Variants in GAK observed in about 807,000 individuals in gnomAD.
GAK encodes the protein cyclin G associated kinase, also known as cyclin-G-associated kinase.
Under a neutral mutation model 143.9 loss-of-function variants are expected in GAK, and 79 were observed. The ratio of observed to expected loss-of-function variants is 0.55; its 90% CI spans 0.46 to 0.66. The LOEUF (loss-of-function observed/expected upper bound fraction) is 0.66, where lower values mean the gene tolerates loss of function less well. GAK is among the 30% of genes least tolerant of loss of function. The pLI is 0.00. For missense variants in GAK, 1,693 were observed against 1,779.7 expected, an observed-to-expected ratio of 0.95 and a Z score of 0.88; for synonymous variants, 881 against 765.5, an observed-to-expected ratio of 1.15 and a Z score of -2.49.
chr4:888,705 G>A, intron 11 of GAK, 142 bp downstream of exon 11: 1 of 954,660 alleles, frequency 1.0e-6, no homozygotes, highest in Non-Finnish European at 1.5e-6. Flanking sequence ...CCTGGGAGAA[G>A]CGGGTGATGC....
chr4:857,041 A>G (rs1298073313), intron 24 of GAK, among the ~76,000 whole-genome samples: 3 of 152,244 alleles, frequency 2.0e-5, no homozygotes, highest in Non-Finnish European at 4.4e-5. Context: ...ATGATATCAG[A>G]TTAGTGCAAA....
rs773267588 is a variant in GAK at position 896,454 on chromosome 4, C to A, written c.741+6G>T. On this transcript the variant is annotated splice_donor_region_variant and intron_variant, in intron 7 of 27. Coordinates refer to ENST00000314167, the MANE Select transcript of GAK (RefSeq NM_005255.4). ...GGCACTGCCACTGAGAGGCGCCAGA[C>A]CTCACCCAGATATCCTGCTTCTCGC... 6.8e-6 allele frequency: 11 copies of A among 1,613,060 alleles called. No homozygotes were observed. The Admixed American group carries it at 1.8e-4, about 27-fold the overall frequency.
intron 15 of GAK, among the ~76,000 whole-genome samples, chr4:881,334 C>T (rs966637827): frequency 6.6e-6 from 1 of 152,166 alleles, no homozygotes; most frequent in Non-Finnish European, 1.5e-5. Context: ...GAGACCAAGG[C>T]CAGGGGAGGC....
At chr4:916,068 A>T (rs77057847) in intron 1 of GAK, among the ~76,000 whole-genome samples, 5,671 of 152,306 alleles carry the variant, frequency 0.037, 152 homozygotes, top group East Asian at 0.14. Context: ...GCCCAAGGTT[A>T]GGCAGTGATT....
intron 1 of GAK, among the ~76,000 whole-genome samples, chr4:929,375 C>T (rs1229408620): frequency 6.6e-6 from 1 of 152,218 alleles, no homozygotes; most frequent in African/African-American, 2.4e-5. Context: ...CTCAATTTAT[C>T]TCACTAGCAG....
intron 1 of GAK, among the ~76,000 whole-genome samples, chr4:920,689 G>C (rs749700647): frequency 6.6e-6 from 1 of 151,540 alleles, no homozygotes; most frequent in South Asian, 2.1e-4. Context: ...GACTACAGGC[G>C]CCCACCACCA....
chr4:912,302 G>C, intron 3 of GAK: 1 of 395,580 alleles, frequency 2.5e-6, no homozygotes, highest in Non-Finnish European at 5.2e-6. Context: ...GAGATGCCCC[G>C]CCCAGTCATG....
chr4:890,135 C>T (rs954714557), intron 10 of GAK, among the ~76,000 whole-genome samples: 4 of 152,240 alleles, frequency 2.6e-5, no homozygotes, highest in African/African-American at 9.6e-5. Flanking sequence ...GTCTGTTTCC[C>T]TGGGGCCTTG....
chr4:911,320 GAGA>G (rs1441279168), intron 4 of GAK, among the ~76,000 whole-genome samples: 2 of 152,252 alleles, frequency 1.3e-5, no homozygotes, highest in Admixed American at 6.5e-5. Flanking sequence ...CCAGAGCCCT[GAGA>G]AGGACAGACG....
At chr4:859,096 G>C (rs1336505606) in intron 24 of GAK, 1 of 873,866 alleles carries the variant, frequency 1.1e-6, no homozygotes, top group Non-Finnish European at 1.4e-6. Flanking sequence ...AGGGGCATCA[G>C]GTCAGCCCAA....
At chr4:855,071 G>A (rs188037296) in intron 24 of GAK, among the ~76,000 whole-genome samples, 31 of 152,240 alleles carry the variant, frequency 2.0e-4, no homozygotes, top group African/African-American at 6.7e-4. Flanking sequence ...CAGGCATCTA[G>A]TCCATCTGTC....
intron 15 of GAK, 40 bp from the exon 16 acceptor site, chr4:877,849 G>C: frequency 6.6e-7 from 1 of 1,511,044 alleles, no homozygotes; most frequent in Non-Finnish European, 8.9e-7. Context: ...GACGTGCCCT[G>C]AGAGGGGACC....
chr4:872,067 C>T (rs913661844), intron 18 of GAK, among the ~76,000 whole-genome samples: 9 of 152,178 alleles, frequency 5.9e-5, no homozygotes, highest in Admixed American at 1.3e-4. Context: ...TGGGATCCGC[C>T]GAGGGAGGGC....
chr4:915,169 CCA>C, intron 1 of GAK, among the ~76,000 whole-genome samples: 1 of 148,102 alleles, frequency 6.8e-6, no homozygotes, highest in East Asian at 2.0e-4. Flanking sequence ...ATACACGGCC[CCA>C]CACACACAGC....
At chr4:909,243 G>A (rs1341269408) in intron 4 of GAK, among the ~76,000 whole-genome samples, 1 of 152,266 alleles carries the variant, frequency 6.6e-6, no homozygotes, top group Non-Finnish European at 1.5e-5. Flanking sequence ...ACGGCGTGAT[G>A]CGTGCTCCCG....
chr4:858,936 T>C (rs1577052508), intron 24 of GAK, among the ~76,000 whole-genome samples: 1 of 152,156 alleles, frequency 6.6e-6, no homozygotes, highest in Non-Finnish European at 1.5e-5. Context: ...CATCCCAAGG[T>C]GGAGCCACTT....
At position 874,273 on chromosome 4, in the gene GAK, G is replaced by C. The variant is rs1197587672; in HGVS notation, c.2054+2257C>G. ...TTAAAACCCACAGGACGTTAGTATTGGTGTTTTAAGCAGCTGGTGCTGGTG... is the reference window on the plus strand; with the variant it reads ...TTAAAACCCACAGGACGTTAGTATTCGTGTTTTAAGCAGCTGGTGCTGGTG... On this transcript the variant is annotated intron_variant, in intron 18 of 27. Transcript: ENST00000314167. 2.0e-5 allele frequency among the ~76,000 whole-genome samples: 3 copies of C among 152,262 alleles called. No individual in the cohort carries two copies. The East Asian group carries it at 5.8e-4, about 29-fold the overall frequency.
intron 1 of GAK, among the ~76,000 whole-genome samples, chr4:923,009 T>C (rs1440058676): frequency 6.6e-6 from 1 of 152,128 alleles, no homozygotes; most frequent in Non-Finnish European, 1.5e-5. Flanking sequence ...AATTCTGCAC[T>C]TCCCCTTACA....
intron 22 of GAK, among the ~76,000 whole-genome samples, chr4:866,116 G>A (rs889589192): frequency 1.3e-5 from 2 of 152,252 alleles, no homozygotes; most frequent in African/African-American, 2.4e-5. Flanking sequence ...AGTCACAGAC[G>A]ACTGAGGCAC....
Sources: gnomAD v4.1 joint callset for allele counts (sites outside exome capture counted in the v4.1 genomes callset) on GRCh38, gnomAD v4.1.1 for gene constraint, MANE v1.5 for transcripts, NCBI Gene and HGNC (gene_info 2026-07-23, HGNC 2026-07-21) for gene names.